Variants in PTPRN2 observed in about 807,000 individuals in gnomAD.
PTPRN2 encodes the protein protein tyrosine phosphatase receptor type N2, also known as receptor-type tyrosine-protein phosphatase N2.
In PTPRN2, 74 loss-of-function variants were observed where a neutral mutation model predicts 118.8. That is an observed-to-expected ratio of 0.62 (90% confidence interval 0.52 to 0.76). The LOEUF (loss-of-function observed/expected upper bound fraction) is 0.76. Among genes scored for constraint, PTPRN2 ranks in the 30% least tolerant of loss-of-function variants. PTPRN2 has a pLI of 0.00. For synonymous variants in PTPRN2, 641 were observed against 608.0 expected (o/e 1.05, Z -0.80); for missense variants, 1,481 against 1,394.4 (o/e 1.06, Z -0.99).
In PTPRN2 at chr7:158,298,712, C is replaced by T. The variant is rs375365828; in HGVS notation, c.277+18107G>A. Among the ~76,000 whole-genome samples the T allele has an allele frequency of 5.9e-5, 9 of 152,102 alleles. No individual in the cohort carries two copies. In the East Asian group the frequency reaches 1.4e-3, roughly 23 times the overall value. On this transcript the variant is annotated intron_variant, in intron 3 of 22. Coordinates refer to ENST00000389418, the MANE Select transcript of PTPRN2 (RefSeq NM_002847.5). ...CCCAGCAGGATGTGCCAAAGTTGTG[C>T]TCGGGCACATCAGGAGGAAATCAGG...
intron 2 of PTPRN2, among the ~76,000 whole-genome samples, chr7:158,381,998 T>C (rs1374746218): frequency 6.6e-6 from 1 of 152,174 alleles, no homozygotes; most frequent in Non-Finnish European, 1.5e-5. Context: ...ATGGGAATTG[T>C]GGGAGCTACA....
intron 5 of PTPRN2, among the ~76,000 whole-genome samples, chr7:158,182,527 T>C (rs1824801183): frequency 6.6e-6 from 1 of 152,150 alleles, no homozygotes; most frequent in Non-Finnish European, 1.5e-5. Flanking sequence ...CTTGTGTCCA[T>C]GTGTTCTCAC....
chr7:158,337,725 C>A (rs796630927), intron 2 of PTPRN2, among the ~76,000 whole-genome samples: 1 of 126,652 alleles, frequency 7.9e-6, no homozygotes, highest in African/African-American at 3.0e-5. Context: ...CGCCCGCAGA[C>A]GTCACTCACA....
chr7:157,695,831 C>A (rs1176987327), intron 12 of PTPRN2, among the ~76,000 whole-genome samples: 2 of 152,302 alleles, frequency 1.3e-5, no homozygotes, highest in African/African-American at 4.8e-5. Context: ...TTAGTAGAGC[C>A]CTCACCGTCT....
chr7:157,855,086 C>T (rs1365633797), intron 12 of PTPRN2, among the ~76,000 whole-genome samples: 14 of 125,278 alleles, frequency 1.1e-4, no homozygotes, highest in African/African-American at 3.8e-4. Context: ...ATGGCTGTGC[C>T]GTTGCAGGGA....
chr7:158,416,255 G>A (rs905165432), intron 2 of PTPRN2, among the ~76,000 whole-genome samples: 1 of 152,210 alleles, frequency 6.6e-6, no homozygotes, highest in Admixed American at 6.5e-5. Context: ...TGGGACAACT[G>A]TGGTGGATGA....
intron 21 of PTPRN2, among the ~76,000 whole-genome samples, chr7:157,561,352 G>A (rs971404330): frequency 2.6e-5 from 4 of 152,212 alleles, no homozygotes; most frequent in African/African-American, 7.2e-5. Context: ...TGAGCTCGGC[G>A]GCCCAGGCGC....
intron 14 of PTPRN2, among the ~76,000 whole-genome samples, chr7:157,630,465 G>A (rs1803873703): frequency 6.6e-6 from 1 of 152,182 alleles, no homozygotes; most frequent in Non-Finnish European, 1.5e-5. Context: ...AGGCGGCAGG[G>A]AGTGAACCGG....
chr7:157,814,463 G>T (rs1806260101), intron 12 of PTPRN2, among the ~76,000 whole-genome samples: 1 of 150,620 alleles, frequency 6.6e-6, no homozygotes, highest in Non-Finnish European at 1.5e-5. Flanking sequence ...AACAGGAGGG[G>T]ACAGGAGGGG....
chr7:158,316,684 G>A, intron 3 of PTPRN2, 135 bp downstream of exon 3: 1 of 656,366 alleles, frequency 1.5e-6, no homozygotes, highest in Non-Finnish European at 2.5e-6. Context: ...CCAGCGCCCG[G>A]CTCCCACCTG....
intron 12 of PTPRN2, among the ~76,000 whole-genome samples, chr7:157,704,810 C>T (rs1447190819): frequency 6.6e-6 from 1 of 152,216 alleles, no homozygotes; most frequent in African/African-American, 2.4e-5. Context: ...TTAGAATTGA[C>T]ATATACTAAA....
chr7:158,074,832 T>C (rs530976433), intron 11 of PTPRN2, among the ~76,000 whole-genome samples: 1 of 152,288 alleles, frequency 6.6e-6, no homozygotes, highest in East Asian at 1.9e-4. Flanking sequence ...CATTTGCAGG[T>C]GAGAACGAGC....
chr7:157,995,614 C>G lies in PTPRN2; in HGVS notation c.1723+85684G>C, dbSNP rs572287017. On this transcript the variant is annotated intron_variant, in intron 11 of 22. Transcript: ENST00000389418. Reference sequence around the variant, plus strand: ...CTTAGAGTAGGATGGGGCCTTTCAGCCCCTGAACGTGCATCTGGGTGTGGA... The same window carrying G: ...CTTAGAGTAGGATGGGGCCTTTCAGGCCCTGAACGTGCATCTGGGTGTGGA... 7.9e-4 allele frequency among the ~76,000 whole-genome samples: 120 copies of G among 152,398 alleles called. 2 individuals carry two copies. In the South Asian group the frequency reaches 0.011, roughly 14 times the overall value.
At chr7:157,636,929 C>T (rs1405067140) in intron 14 of PTPRN2, among the ~76,000 whole-genome samples, 1 of 152,176 alleles carries the variant, frequency 6.6e-6, no homozygotes, top group African/African-American at 2.4e-5. Flanking sequence ...AAGTAAATAT[C>T]TTCTAAGCCT....
chr7:157,551,672 GCACCACACACCCCACAGC>G (rs751708510), intron 21 of PTPRN2, among the ~76,000 whole-genome samples: 194 of 26,020 alleles, frequency 7.5e-3, no homozygotes, highest in African/African-American at 0.016. Context: ...CACCCCACGG[GCACCACACACCCCACAGC>G]CACCACACAC....
At chr7:158,217,362 A>G (rs1435015067) in intron 3 of PTPRN2, among the ~76,000 whole-genome samples, 3 of 152,232 alleles carry the variant, frequency 2.0e-5, no homozygotes, top group Non-Finnish European at 2.9e-5. Flanking sequence ...CCTCGGCCCT[A>G]TGAAAAAATT....
chr7:158,330,818 C>CTG (rs1804226483), intron 2 of PTPRN2, among the ~76,000 whole-genome samples: 1 of 100,116 alleles, frequency 1.0e-5, no homozygotes, highest in Non-Finnish European at 2.2e-5. Flanking sequence ...GAGCTGACAC[C>CTG]CGCAGACGTC....
chr7:157,795,545 C>T (rs1438663744), intron 12 of PTPRN2, among the ~76,000 whole-genome samples: 1 of 152,252 alleles, frequency 6.6e-6, no homozygotes, highest in African/African-American at 2.4e-5. Flanking sequence ...TGAGAAAGTC[C>T]TTCCAGCCAC....
At chr7:158,312,565 C>A (rs1801921376) in intron 3 of PTPRN2, among the ~76,000 whole-genome samples, 1 of 151,282 alleles carries the variant, frequency 6.6e-6, no homozygotes, top group Non-Finnish European at 1.5e-5. Flanking sequence ...CACCCACACG[C>A]AAAACCTCCC....
Sources: allele counts gnomAD v4.1 joint callset (sites outside exome capture counted in the v4.1 genomes callset), GRCh38; gene constraint gnomAD v4.1.1; transcripts MANE v1.5; gene names NCBI Gene and HGNC (gene_info 2026-07-23, HGNC 2026-07-21).